Variants in PTPRN2 observed in about 807,000 individuals in gnomAD.
PTPRN2 encodes protein tyrosine phosphatase receptor type N2.
A neutral mutation model predicts 118.8 loss-of-function variants in PTPRN2; 74 were observed. That is an observed-to-expected ratio of 0.62 (90% confidence interval 0.52 to 0.76). PTPRN2 has a LOEUF of 0.76. Among genes scored for constraint, PTPRN2 ranks in the 30% least tolerant of loss-of-function variants. The pLI is 0.00. For synonymous variants in PTPRN2, 641 were observed against 608.0 expected, an observed-to-expected ratio of 1.05 and a Z score of -0.80; for missense variants, 1,481 against 1,394.4, an observed-to-expected ratio of 1.06 and a Z score of -0.99.
At chr7:158,009,749 A>G (rs1409180078) in intron 11 of PTPRN2, among the ~76,000 whole-genome samples, 1 of 152,212 alleles carries the variant, frequency 6.6e-6, no homozygotes, top group Non-Finnish European at 1.5e-5. Context: ...TGATAAAGAG[A>G]TCAATCTTTG....
intron 3 of PTPRN2, among the ~76,000 whole-genome samples, chr7:158,262,690 TCACA>T (rs761003497): frequency 7.4e-6 from 1 of 136,044 alleles, no homozygotes; most frequent in Non-Finnish European, 1.6e-5. Flanking sequence ...ATACACACAT[TCACA>T]CACACTGCAC....
At chr7:158,146,667 G>C (rs1211711856) in intron 6 of PTPRN2, among the ~76,000 whole-genome samples, 1 of 147,500 alleles carries the variant, frequency 6.8e-6, no homozygotes, top group Non-Finnish European at 1.5e-5. Flanking sequence ...CTAGTAGTGA[G>C]CTGAGATCGC....
At chr7:158,128,346 C>T (rs571458998) in intron 9 of PTPRN2, among the ~76,000 whole-genome samples, 101 of 152,252 alleles carry the variant, frequency 6.6e-4, no homozygotes, top group Non-Finnish European at 1.3e-3. Flanking sequence ...CTGTCTTCAC[C>T]AGATAGCTTC....
chr7:157,656,268 G>T lies in PTPRN2; in HGVS notation c.2196+89C>A, dbSNP rs553069370. On this transcript the variant is annotated intron_variant, in intron 14 of 22. Transcript: ENST00000389418. ...AGCCATCATCGCCCAGTCCCCGAGG[G>T]TCAGCGGGCGCAGATGCTGGGTGTT... 3.5e-5 allele frequency: 47 copies of T among 1,348,984 alleles called. 1 individual carries two copies. In the African/African-American group the frequency reaches 4.1e-4, roughly 12 times the overall value. 83.6% of individuals were successfully genotyped at this position (1,348,984 alleles called of 1,614,324 possible).
intron 3 of PTPRN2, among the ~76,000 whole-genome samples, chr7:158,208,713 C>T (rs1827350105): frequency 6.6e-6 from 1 of 152,086 alleles, no homozygotes; most frequent in African/African-American, 2.4e-5. Flanking sequence ...TCTAAAGGTA[C>T]AAAACTCACT....
In PTPRN2 at chr7:157,736,012, C is replaced by T. The variant is rs550794207; in HGVS notation, c.1789-53075G>A. 2.3e-4 allele frequency among the ~76,000 whole-genome samples: 35 copies of T among 152,322 alleles called. 1 individual carries two copies. The South Asian group carries it at 6.4e-3, about 28-fold the overall frequency. On this transcript the variant is annotated intron_variant, in intron 12 of 22. Transcript: ENST00000389418. ...TCAGAGACGGCCGGTGGGTGGGCCC[C>T]GTTCCCAAACACCCACCTTGGATCT... is the stretch of plus-strand genomic sequence containing the variant.
chr7:158,309,366 C>T lies in PTPRN2; in HGVS notation c.277+7453G>A, dbSNP rs145467168. Among the ~76,000 whole-genome samples, 437 of 100,952 alleles carry T rather than the reference C, an allele frequency of 4.3e-3. 2 individuals are homozygous for T. The highest frequency in any genetic ancestry group is 0.015 in the Middle Eastern group (3 of 204). 66.2% of individuals were successfully genotyped at this position (100,952 alleles called of 152,430 possible). A position where few individuals can be genotyped will look rare whatever the true frequency, so the allele number is the denominator to read the frequency against. On this transcript the variant is annotated intron_variant, in intron 3 of 22. Transcript: ENST00000389418. The stretch of plus-strand genomic sequence containing the variant: ...TTCCAGCCTACACGCTACTCCCCTG[C>T]GGGATGCTTCCTGCCTTCGAACCTC...
chr7:157,752,575 G>A (rs914152177), intron 12 of PTPRN2, among the ~76,000 whole-genome samples: 9 of 152,110 alleles, frequency 5.9e-5, no homozygotes, highest in Non-Finnish European at 8.8e-5. Context: ...TTCTTCACCC[G>A]AAAGCCCATC....
At chr7:158,372,377 G>C (rs116990591) in intron 2 of PTPRN2, among the ~76,000 whole-genome samples, 1 of 113,338 alleles carries the variant, frequency 8.8e-6, no homozygotes. Context: ...CTGGACCCCA[G>C]AGCTGGCCTC....
intron 1 of PTPRN2, among the ~76,000 whole-genome samples, chr7:158,572,240 C>T (rs948752414): frequency 6.6e-6 from 1 of 152,218 alleles, no homozygotes; most frequent in Non-Finnish European, 1.5e-5. Context: ...TGATCCTCTT[C>T]GTTCACAGTG....
intron 12 of PTPRN2, among the ~76,000 whole-genome samples, chr7:157,696,081 T>C (rs1436549855): frequency 7.3e-6 from 1 of 137,568 alleles, no homozygotes; most frequent in East Asian, 2.3e-4. Context: ...CATCTACCCA[T>C]GCATACTGGG....
At chr7:158,376,123 G>A (rs1192692889) in intron 2 of PTPRN2, among the ~76,000 whole-genome samples, 3 of 152,154 alleles carry the variant, frequency 2.0e-5, no homozygotes, top group Non-Finnish European at 4.4e-5. Flanking sequence ...GGATGCTACT[G>A]CAGGGCCAGA....
In PTPRN2 at chr7:157,944,772, G is replaced by T. The variant is rs891617598; in HGVS notation, c.1724-46035C>A. 6.6e-6 allele frequency among the ~76,000 whole-genome samples: 1 copy of T among 152,178 alleles called. No individual in the cohort carries two copies. The highest frequency in any genetic ancestry group is 1.9e-4 in the East Asian group (1 of 5,174). On this transcript the variant is annotated intron_variant, in intron 11 of 22. Transcript: ENST00000389418. This position sits in a 1 kb window ranked among gnomAD's most constrained non-coding sequence, Gnocchi z 4.3. ...GCCCCTCTCTTCTCTAAGCCAAGGG[G>T]CTGTTGGGACAGGCAGCCGCACCTG... is the stretch of plus-strand genomic sequence containing the variant.
At chr7:158,402,488 C>T (rs1563065) in intron 2 of PTPRN2, among the ~76,000 whole-genome samples, 148,089 of 152,216 alleles carry the variant, frequency 0.97, 72,069 homozygotes, top group African/African-American at 0.99. Flanking sequence ...TGGGAGTCAG[C>T]GCCCTCCAAC....
chr7:157,734,688 C>G (rs1219882174), intron 12 of PTPRN2, among the ~76,000 whole-genome samples: 2 of 152,236 alleles, frequency 1.3e-5, no homozygotes, highest in Admixed American at 6.5e-5. Context: ...CAAGGCTGTA[C>G]TTACATCTGG....
intron 6 of PTPRN2, among the ~76,000 whole-genome samples, chr7:158,152,527 G>A (rs563638489): frequency 7.9e-5 from 12 of 152,336 alleles, no homozygotes; most frequent in African/African-American, 9.6e-5. Context: ...GAAGGGGAGA[G>A]CTGGTCCCTT....
chr7:157,848,917 C>A (rs913135882), intron 12 of PTPRN2, among the ~76,000 whole-genome samples: 6 of 152,238 alleles, frequency 3.9e-5, no homozygotes, highest in African/African-American at 1.4e-4. Flanking sequence ...TTGGCCGCTG[C>A]CACCCTGGGA....
intron 10 of PTPRN2, among the ~76,000 whole-genome samples, chr7:158,097,148 GC>G (rs1814689714): frequency 1.3e-5 from 2 of 151,620 alleles, no homozygotes; most frequent in African/African-American, 4.9e-5. Context: ...TCACAACTCT[GC>G]CCCCGGAAAC....
At chr7:158,098,481 C>T (rs1008668270) in intron 10 of PTPRN2, among the ~76,000 whole-genome samples, 1 of 152,208 alleles carries the variant, frequency 6.6e-6, no homozygotes, top group Non-Finnish European at 1.5e-5. Flanking sequence ...AGCCCTGCTC[C>T]CGGAATGCGG....
Sources: allele counts gnomAD v4.1 joint callset (sites outside exome capture counted in the v4.1 genomes callset), GRCh38; gene constraint gnomAD v4.1.1; non-coding constraint Gnocchi (gnomAD v3.1); transcripts MANE v1.5; gene names NCBI Gene and HGNC (gene_info 2026-07-23, HGNC 2026-07-21).